Variants in FDCSP observed in about 807,000 individuals in gnomAD.
FDCSP encodes the protein follicular dendritic cell secreted peptide.
Under a neutral mutation model 8.9 loss-of-function variants are expected in FDCSP, and 8 were observed. That is an observed-to-expected ratio of 0.90 (90% CI 0.53 to 1.63). The LOEUF (loss-of-function observed/expected upper bound fraction) is 1.63. FDCSP is among the 40% of genes most tolerant of loss of function. The probability of loss-of-function intolerance (pLI) is 0.00; values close to 1 mark genes in which losing one functional copy is unlikely to be tolerated. For missense variants in FDCSP, 101 were observed against 103.6 expected, an observed-to-expected ratio of 0.98 and a Z score of 0.11; for synonymous variants, 34 against 34.5, an observed-to-expected ratio of 0.98 and a Z score of 0.06.
chr4:70,233,971 C>T (rs1484246577), intron 3 of FDCSP, 49 bp from the exon 4 acceptor site: 2 of 1,514,544 alleles, frequency 1.3e-6, no homozygotes, highest in Non-Finnish European at 8.8e-7. Context: ...TTTTATTTCT[C>T]TTCTTTGTAA....
intron 1 of FDCSP, among the ~76,000 whole-genome samples, 185 bp from the exon 2 acceptor site, chr4:70,231,008 AGT>A (rs574812174): frequency 8.8e-4 from 134 of 151,888 alleles, no homozygotes; most frequent in African/African-American, 3.1e-3. Context: ...ACCTTTAAAA[AGT>A]TCTTTATTAA....
intron 3 of FDCSP, among the ~76,000 whole-genome samples, 199 bp from the exon 4 acceptor site, chr4:70,233,821 A>C (rs1010944926): frequency 1.3e-5 from 2 of 151,800 alleles, no homozygotes; most frequent in East Asian, 3.9e-4. Flanking sequence ...GTATAGGAAC[A>C]TGAGTATCTC....
At position 70,234,058 on chromosome 4, in the gene FDCSP, G is replaced by C. The variant is rs186270963; in HGVS notation, c.129G>C (p.Val43=). The C allele has an allele frequency of 1.2e-4, 199 of 1,604,718 alleles. 1 individual carries two copies. The East Asian group carries it at 4.4e-3, about 36-fold the overall frequency. The change falls in exon 4 of 5, where the codon GTG becomes GTC. Residue 43 remains valine (V), a synonymous_variant. Transcript: ENST00000317987. ...ATGAATTAGCTTCAGGGTTTTTTGTGTTCCCTTACCCATATCCATTTCGCC... is the reference window on the plus strand; with the variant it reads ...ATGAATTAGCTTCAGGGTTTTTTGTCTTCCCTTACCCATATCCATTTCGCC... ...DSDELASGFF[V]FPYPYPFRPL...
chr4:70,231,093 C>T (rs909520433), intron 1 of FDCSP, 102 bp from the exon 2 acceptor site: 2 of 890,160 alleles, frequency 2.2e-6, no homozygotes, highest in Non-Finnish European at 1.7e-6. Flanking sequence ...ATAATTCGTA[C>T]TTTAACTGGA....
rs942121552 is a variant in FDCSP at position 70,226,459 on chromosome 4, G to A, written c.-1+277G>A. 3.3e-5 allele frequency among the ~76,000 whole-genome samples: 5 copies of A among 151,856 alleles called. No homozygotes were observed. In the Admixed American group the frequency reaches 3.3e-4, roughly 10 times the overall value. ...ATCTTTCTAGGAGTGGAGCACTGGT[G>A]GGGGAGAGTGTGGACAGAGTGAAAC... On this transcript the variant is annotated intron_variant, in intron 1 of 4. Transcript: ENST00000317987.
chr4:70,232,971 T>C (rs772688989), intron 2 of FDCSP, 23 bp from the exon 3 acceptor site: 4 of 1,581,908 alleles, frequency 2.5e-6, no homozygotes, highest in South Asian at 1.2e-5. Flanking sequence ...TGAGTTTAAT[T>C]AATTTCACTA....
chr4:70,232,059 G>T (rs1047790648), intron 2 of FDCSP, among the ~76,000 whole-genome samples: 1 of 151,762 alleles, frequency 6.6e-6, no homozygotes, highest in Non-Finnish European at 1.5e-5. Context: ...TATTACAAAA[G>T]AGTTAAAGTA....
intron 3 of FDCSP, 81 bp downstream of exon 3, chr4:70,233,107 T>A: frequency 8.1e-7 from 1 of 1,240,618 alleles, no homozygotes; most frequent in Non-Finnish European, 1.1e-6. Context: ...TTGATTTATC[T>A]AAACCTCCCA....
chr4:70,226,647 T>C (rs990874811), intron 1 of FDCSP, among the ~76,000 whole-genome samples: 4 of 151,938 alleles, frequency 2.6e-5, no homozygotes, highest in Non-Finnish European at 4.4e-5. Flanking sequence ...TTCCATAACA[T>C]TTTATGTTGA....
chr4:70,229,032 T>C (rs62307435), intron 1 of FDCSP, among the ~76,000 whole-genome samples: 18,607 of 151,802 alleles, frequency 0.12, 1,356 homozygotes, highest in East Asian at 0.27. Context: ...CAGGCATTGT[T>C]TTCTTCTCTT....
chr4:70,233,920 C>T, intron 3 of FDCSP, 100 bp from the exon 4 acceptor site: 8 of 1,099,760 alleles, frequency 7.3e-6, no homozygotes, highest in Non-Finnish European at 1.0e-5. Flanking sequence ...TCTAAAGCCT[C>T]TTCCTAAAAA....
chr4:70,228,597 A>G (rs1252601453), intron 1 of FDCSP, among the ~76,000 whole-genome samples: 1 of 151,798 alleles, frequency 6.6e-6, no homozygotes, highest in Non-Finnish European at 1.5e-5. Flanking sequence ...ATAAATCACT[A>G]TCTGTGCCAG....
In FDCSP at chr4:70,231,224, C is replaced by G. The variant is rs1347507278; in HGVS notation, c.30C>G (p.Ala10=). The change falls in exon 2 of 5, where the codon GCC becomes GCG. Residue 10 remains alanine (A), a synonymous_variant. Coordinates refer to ENST00000317987, the MANE Select transcript of FDCSP (RefSeq NM_152997.4). The part of the protein sequence containing the change: MKKVLLLIT[A]ILAVAVGFPV... Reference sequence around the variant, plus strand: ...AGAAAGTTCTCCTCCTGATCACAGCCATCTTGGCAGTGGCTGTTGGTTTCC... The same window carrying G: ...AGAAAGTTCTCCTCCTGATCACAGCGATCTTGGCAGTGGCTGTTGGTTTCC... 8 of 1,601,984 alleles carry G rather than the reference C, an allele frequency of 5.0e-6. No homozygotes were observed. Among genetic ancestry groups the G allele is most frequent in the Non-Finnish European group, 6.0e-6 (7 of 1,173,590 alleles).
intron 1 of FDCSP, among the ~76,000 whole-genome samples, chr4:70,230,030 T>C (rs1312990827): frequency 6.6e-6 from 1 of 151,608 alleles, no homozygotes; most frequent in African/African-American, 2.4e-5. Context: ...AAACAAGATA[T>C]GTATGAAGTG....
chr4:70,228,893 G>A (rs1730033704), intron 1 of FDCSP, among the ~76,000 whole-genome samples: 1 of 151,756 alleles, frequency 6.6e-6, no homozygotes, highest in South Asian at 2.1e-4. Flanking sequence ...CAGAGCACAG[G>A]AAGAGTAGAT....
chr4:70,230,330 CAT>C (rs951674333), intron 1 of FDCSP, among the ~76,000 whole-genome samples: 24 of 151,808 alleles, frequency 1.6e-4, no homozygotes, highest in African/African-American at 2.7e-4. Flanking sequence ...GTAATATGCA[CAT>C]GTTTATTGTA....
chr4:70,229,673 G>T (rs1406461878), intron 1 of FDCSP, among the ~76,000 whole-genome samples: 3 of 151,620 alleles, frequency 2.0e-5, no homozygotes, highest in Admixed American at 6.6e-5. Flanking sequence ...GAGAGGAAGA[G>T]ATAACTGGGG....
intron 1 of FDCSP, among the ~76,000 whole-genome samples, chr4:70,228,848 G>A (rs1730032601): frequency 1.3e-5 from 2 of 151,758 alleles, no homozygotes; most frequent in Non-Finnish European, 2.9e-5. Context: ...TGCTGTGTTA[G>A]ATGTACTGCC....
At chr4:70,230,244 A>T (rs1578247923) in intron 1 of FDCSP, among the ~76,000 whole-genome samples, 1 of 151,808 alleles carries the variant, frequency 6.6e-6, no homozygotes, top group East Asian at 1.9e-4. Context: ...CTGCATTCAC[A>T]CCATGACAAA....
Sources: allele counts gnomAD v4.1 joint callset (sites outside exome capture counted in the v4.1 genomes callset), GRCh38; gene constraint gnomAD v4.1.1; transcripts MANE v1.5; gene names NCBI Gene and HGNC (gene_info 2026-07-23, HGNC 2026-07-21).